The following POLD3 variants were observed in gnomAD, a reference collection of about 807,000 sequenced individuals.
The protein encoded by POLD3 is DNA polymerase delta 3, accessory subunit, also known as DNA polymerase delta subunit 3.
Under a neutral mutation model 58.2 loss-of-function variants are expected in POLD3, and 19 were observed. The ratio of observed to expected loss-of-function variants is 0.33; its 90% CI spans 0.23 to 0.48. The LOEUF (loss-of-function observed/expected upper bound fraction) is 0.48. Among genes scored for constraint, POLD3 ranks in the 20% least tolerant of loss-of-function variants. POLD3 has a pLI of 0.99. For synonymous variants in POLD3, 172 were observed against 193.5 expected (o/e 0.89, Z 0.92); for missense variants, 504 against 545.5 (o/e 0.92, Z 0.76).
At chr11:74,658,401 G>A (rs572861584) in intron 4 of POLD3, among the ~76,000 whole-genome samples, 106 of 152,220 alleles carry the variant, frequency 7.0e-4, no homozygotes, top group African/African-American at 2.5e-3. Context: ...GTATCATTCT[G>A]CTCCTGGCCC....
chr11:74,603,715 T>G (rs1255961743), intron 2 of POLD3, among the ~76,000 whole-genome samples: 1 of 151,992 alleles, frequency 6.6e-6, no homozygotes, highest in Non-Finnish European at 1.5e-5. Context: ...TGGGGCATGG[T>G]TTTATGGAAG....
At chr11:74,654,325 A>C (rs1429616148) in intron 4 of POLD3, among the ~76,000 whole-genome samples, 1 of 152,370 alleles carries the variant, frequency 6.6e-6, no homozygotes, top group East Asian at 1.9e-4. Context: ...AGACTTCAGA[A>C]CAAGGAGTAT....
At chr11:74,646,075 C>G (rs55973696), downstream of POLD3, among the ~76,000 whole-genome samples, 4,168 of 152,120 alleles carry the variant, frequency 0.027, 181 homozygotes, top group African/African-American at 0.097. Flanking sequence ...CAGGTTCAAG[C>G]GATTCTCCTG....
chr11:74,606,759 G>A (rs1229208696), intron 3 of POLD3, among the ~76,000 whole-genome samples: 1 of 152,114 alleles, frequency 6.6e-6, no homozygotes, highest in African/African-American at 2.4e-5. Flanking sequence ...GCATATTTCC[G>A]AGACCATTTT....
chr11:74,618,742 G>T lies in POLD3; in HGVS notation c.598G>T (p.Ala200Ser). Reference sequence around the variant, plus strand: ...AATTATGGGAATGTTTGCCTCCAAAGCTGCTGCTAAAACCCAAGAAACCAA... The same window carrying T: ...AATTATGGGAATGTTTGCCTCCAAATCTGCTGCTAAAACCCAAGAAACCAA... ...KGIMGMFASK[A>S]AAKTQETNKE... is the part of the protein sequence containing the mutation. The change falls in exon 6 of 12, where the codon GCT becomes TCT. Residue 200 changes from alanine to serine, a missense_variant. Physicochemically the swap from Ala to Ser is moderately conservative, Grantham distance 99 (BLOSUM62 1). Transcript: ENST00000263681. 6.2e-7 allele frequency: 1 copy of T among 1,614,146 alleles called. No individual in the cohort carries two copies. The highest frequency in any genetic ancestry group is 1.1e-5 in the South Asian group (1 of 91,072).
exon 5 of POLD3, chr11:74,668,860 A>G: frequency 8.8e-7 from 1 of 1,130,740 alleles, no homozygotes; most frequent in South Asian, 1.3e-5. Flanking sequence ...GAGGTAGGGT[A>G]GGATCTGAAG....
intron 4 of POLD3, among the ~76,000 whole-genome samples, chr11:74,666,676 G>A (rs1308240089): frequency 6.6e-6 from 1 of 152,216 alleles, no homozygotes; most frequent in Non-Finnish European, 1.5e-5. Flanking sequence ...TACAGATTTA[G>A]TGCAATCTCT....
chr11:74,637,413 GTT>G (rs541119365), intron 11 of POLD3, among the ~76,000 whole-genome samples: 1 of 120,542 alleles, frequency 8.3e-6, no homozygotes, highest in Non-Finnish European at 1.8e-5. Flanking sequence ...CTTTGAATGG[GTT>G]TTTTTTTTTC....
At chr11:74,652,337 G>T (rs2033077276) in intron 4 of POLD3, among the ~76,000 whole-genome samples, 2 of 152,194 alleles carry the variant, frequency 1.3e-5, no homozygotes, top group African/African-American at 4.8e-5. Flanking sequence ...GAATTACTGT[G>T]TCAAAGGATA....
intron 3 of POLD3, among the ~76,000 whole-genome samples, chr11:74,605,957 G>C (rs956481441): frequency 6.6e-6 from 1 of 152,206 alleles, no homozygotes; most frequent in African/African-American, 2.4e-5. Flanking sequence ...GGTGGCATGC[G>C]CCTGTAGTCC....
intron 8 of POLD3, among the ~76,000 whole-genome samples, chr11:74,625,871 T>TTTTGTG (rs142784051): frequency 3.5e-5 from 5 of 143,574 alleles, no homozygotes; most frequent in African/African-American, 1.3e-4. Context: ...GTGTGCCTAG[T>TTTTGTG]TGTGTGTGTG....
At chr11:74,597,272 C>T (rs2031307186) in intron 2 of POLD3, among the ~76,000 whole-genome samples, 1 of 152,200 alleles carries the variant, frequency 6.6e-6, no homozygotes, top group Non-Finnish European at 1.5e-5. Flanking sequence ...TGATGTGTTG[C>T]TTGTGCTTCT....
intron 5 of POLD3, among the ~76,000 whole-genome samples, chr11:74,614,336 G>A (rs991822373): frequency 2.0e-5 from 3 of 152,202 alleles, no homozygotes; most frequent in Admixed American, 2.0e-4. Context: ...AGTAATCCAG[G>A]TGGATATGAC....
At chr11:74,661,672 G>A (rs1454181587) in intron 4 of POLD3, among the ~76,000 whole-genome samples, 1 of 152,148 alleles carries the variant, frequency 6.6e-6, no homozygotes, top group Non-Finnish European at 1.5e-5. Context: ...CCAAGACCCC[G>A]TTAGCCTCTA....
rs560242334 is a variant in POLD3, at chr11:74,633,818, T to C, written c.1007-765T>C. 7.9e-5 allele frequency among the ~76,000 whole-genome samples: 12 copies of C among 152,358 alleles called. No individual in the cohort carries two copies. In the South Asian group the frequency reaches 2.5e-3, roughly 32 times the overall value. On this transcript the variant is annotated intron_variant, in intron 9 of 11. Transcript: ENST00000263681. ...AACCTCACTGTAGCAGAACAAACCTTATCAGTGAAGCAGTCACTAGAAATA... is the reference window on the plus strand; with the variant it reads ...AACCTCACTGTAGCAGAACAAACCTCATCAGTGAAGCAGTCACTAGAAATA...
chr11:74,668,922 G>A, exon 5 of POLD3: 3 of 491,804 alleles, frequency 6.1e-6, no homozygotes, highest in Non-Finnish European at 9.9e-6. Flanking sequence ...AGAGGTGGTA[G>A]TTTCAAGTGA....
At chr11:74,654,609 A>C (rs112686093) in intron 4 of POLD3, among the ~76,000 whole-genome samples, 3 of 152,296 alleles carry the variant, frequency 2.0e-5, no homozygotes, top group African/African-American at 4.8e-5. Flanking sequence ...CCCTCAAGTA[A>C]AAATAGTGGG....
chr11:74,639,878 G>A (rs983294989), intron 11 of POLD3, among the ~76,000 whole-genome samples: 9 of 152,316 alleles, frequency 5.9e-5, no homozygotes, highest in Non-Finnish European at 1.2e-4. Flanking sequence ...CCTTTAACAC[G>A]TGTGTCATCC....
chr11:74,622,185 A>G (rs2032284720), intron 7 of POLD3, among the ~76,000 whole-genome samples: 1 of 152,098 alleles, frequency 6.6e-6, no homozygotes, highest in African/African-American at 2.4e-5. Context: ...CCGTGTCCCT[A>G]CAAAGGACAT....
Sources: allele counts gnomAD v4.1 joint callset (sites outside exome capture counted in the v4.1 genomes callset), GRCh38; gene constraint gnomAD v4.1.1; transcripts MANE v1.5; gene names NCBI Gene and HGNC (gene_info 2026-07-23, HGNC 2026-07-21).